Variants in ANKRD26 observed in about 807,000 individuals in gnomAD.
The protein encoded by ANKRD26 is ankyrin repeat domain 26, also known as ankyrin repeat domain-containing protein 26.
Under a neutral mutation model 208.7 loss-of-function variants are expected in ANKRD26, and 141 were observed. The ratio of observed to expected loss-of-function variants is 0.68; its 90% CI spans 0.59 to 0.78. The LOEUF is 0.78. ANKRD26 is among the 30% of genes least tolerant of loss of function. The pLI, the probability that ANKRD26 is intolerant of heterozygous loss-of-function variation, is 0.00. For synonymous variants in ANKRD26, 636 were observed against 660.4 expected (o/e 0.96, Z 0.57); for missense variants, 1,889 against 1,938.7 (o/e 0.97, Z 0.48).
downstream of ANKRD26, among the ~76,000 whole-genome samples, chr10:26,987,917 T>C (rs1289419629): frequency 6.6e-6 from 1 of 152,180 alleles, no homozygotes; most frequent in African/African-American, 2.4e-5. Context: ...GGTCTAGCTG[T>C]TGGCTGTAAT....
chr10:27,021,636 A>G (rs1219289319), intron 29 of ANKRD26, among the ~76,000 whole-genome samples: 2 of 152,082 alleles, frequency 1.3e-5, no homozygotes, highest in Non-Finnish European at 2.9e-5. Context: ...TTGAATTAGA[A>G]TATTCTTTTT....
In ANKRD26 at chr10:27,054,189, G is replaced by A. The variant is rs74128554; in HGVS notation, c.1565-799C>T. Among the ~76,000 whole-genome samples, 472 of 152,184 alleles carry A rather than the reference G, an allele frequency of 3.1e-3. 4 individuals carry two copies. The highest frequency in any genetic ancestry group is 0.011 in the African/African-American group (446 of 41,502). On this transcript the variant is annotated intron_variant, in intron 15 of 33. Transcript: ENST00000376087. Reference sequence around the variant, plus strand: ...TTTATGCCCTTGCTCCCAGACGGTAGGGGACAATCTTTCAAGTTATCTTTG... The same window carrying A: ...TTTATGCCCTTGCTCCCAGACGGTAAGGGACAATCTTTCAAGTTATCTTTG...
At chr10:27,021,600 GTC>G (rs2053491700) in intron 29 of ANKRD26, among the ~76,000 whole-genome samples, 1 of 152,178 alleles carries the variant, frequency 6.6e-6, no homozygotes, top group Admixed American at 6.5e-5. Flanking sequence ...TATGAGAAAT[GTC>G]TGTTTCAGAT....
chr10:26,961,301 T>A, the ANKRD26 span, among the ~76,000 whole-genome samples: 1 of 152,114 alleles, frequency 6.6e-6, no homozygotes, highest in Non-Finnish European at 1.5e-5. Context: ...TTGGTTTATT[T>A]GTCCCAACTA....
intron 30 of ANKRD26, among the ~76,000 whole-genome samples, chr10:27,017,163 T>A (rs186613911): frequency 1.9e-3 from 284 of 152,324 alleles, no homozygotes; most frequent in African/African-American, 6.4e-3. Context: ...ATAAAATTAA[T>A]TAAAAATTTT....
intron 12 of ANKRD26, among the ~76,000 whole-genome samples, chr10:27,062,819 G>A (rs1406241329): frequency 6.6e-6 from 1 of 150,764 alleles, no homozygotes; most frequent in African/African-American, 2.4e-5. Flanking sequence ...CCAGGCTGGA[G>A]TGCAGTGGCA....
intron 29 of ANKRD26, among the ~76,000 whole-genome samples, chr10:27,021,823 G>C (rs913023017): frequency 7.2e-5 from 11 of 152,012 alleles, no homozygotes; most frequent in African/African-American, 2.4e-4. Flanking sequence ...TATCATGTTT[G>C]TTGGGTTGCA....
chr10:27,005,608 C>T lies in ANKRD26; in HGVS notation c.5115G>A (p.Lys1705=), dbSNP rs1283000126. The change falls in exon 34 of 34, where the codon AAG becomes AAA. Residue 1705 remains lysine (K), a synonymous_variant. Transcript: ENST00000376087. ...KASREYVQVL[K]KNYMI ...TTATCTTTCAGATCATATAATTTTT[C>T]TTTAAAACCTGTACATATTCTCTTG... The T allele has an allele frequency of 6.2e-7, 1 of 1,611,564 alleles. No individual in the cohort carries two copies. Among genetic ancestry groups the T allele is most frequent in the Non-Finnish European group, 8.5e-7 (1 of 1,178,488 alleles).
chr10:27,016,337 A>T (rs11592897), intron 30 of ANKRD26, among the ~76,000 whole-genome samples: 74,679 of 151,696 alleles, frequency 0.49, 20,400 homozygotes, highest in Non-Finnish European at 0.62. Context: ...AGCTCTCACC[A>T]TCTTGCCTCA....
intron 31 of ANKRD26, 126 bp downstream of exon 31, chr10:27,014,368 C>A: frequency 5.7e-6 from 4 of 707,304 alleles, no homozygotes; most frequent in Non-Finnish European, 7.0e-6. Context: ...AATTTACTAA[C>A]ATTTTCCAAA....
At chr10:26,983,417 T>C (rs975204905) in intron 3 of ANKRD26, among the ~76,000 whole-genome samples, 1 of 152,184 alleles carries the variant, frequency 6.6e-6, no homozygotes, top group African/African-American at 2.4e-5. Context: ...ACATAGCCAG[T>C]ATGTCCTATT....
At chr10:27,033,421 T>C in intron 24 of ANKRD26, 44 bp from the exon 25 acceptor site, 2 of 1,554,646 alleles carry the variant, frequency 1.3e-6, no homozygotes, top group Non-Finnish European at 1.8e-6. Flanking sequence ...CACCTTATTA[T>C]TAAGTTATGT....
In ANKRD26 at chr10:27,005,121, A is replaced by C. The variant is rs1308190205; in HGVS notation, c.*469T>G. ...ATCAGGCAAATCTTGTTTCTCCCTG[A>C]GAACAGCTATATAAATCAGTGCTTA... On this transcript the variant is annotated 3_prime_UTR_variant, in exon 34 of 34. Transcript: ENST00000376087. The C allele has an allele frequency of 3.0e-6, 3 of 984,844 alleles. No individual in the cohort carries two copies. Among genetic ancestry groups the C allele is most frequent in the East Asian group, 2.3e-4 (2 of 8,822 alleles). 61.0% of individuals were successfully genotyped at this position (984,844 alleles called of 1,614,324 possible).
intron 16 of ANKRD26, chr10:27,051,149 C>A: frequency 7.8e-7 from 1 of 1,290,220 alleles, no homozygotes. Flanking sequence ...GCATATCTTG[C>A]TGTAATTCTT....
rs1335310549 is a variant in ANKRD26, at chr10:27,067,280, G to A, written c.1084C>T (p.Pro362Ser). ...TTTTTTGCAATGCCTGGCTTTGTTG[G>A]TTCTTCCTATTAAAAACAAAAACAA... ...LANPGLMKEE[P>S]TKPGIAKKEN... The change falls in exon 10 of 34, where the codon CCA becomes TCA. Residue 362 changes from proline to serine, a missense_variant. Physicochemically the swap from Pro to Ser is moderately conservative, Grantham distance 74. This residue lies in a region of ANKRD26 where 1,272 missense variants were observed against 1,273.8 expected (regional missense o/e 1.00). Coordinates refer to ENST00000376087, the MANE Select transcript of ANKRD26 (RefSeq NM_014915.3). The A allele has an allele frequency of 6.2e-7, 1 of 1,612,730 alleles. No individual in the cohort carries two copies. Among genetic ancestry groups the A allele is most frequent in the African/African-American group, 1.3e-5 (1 of 74,944 alleles).
intron 33 of ANKRD26, 129 bp from the exon 34 acceptor site, chr10:27,005,852 T>G (rs970926271): frequency 6.2e-6 from 7 of 1,127,778 alleles, no homozygotes; most frequent in Non-Finnish European, 6.0e-6. Context: ...GCACAACTAT[T>G]ATACAATATT....
At chr10:26,963,903 G>GTTTTTTTTTTTTGTTTTTTTTTTTTT in the ANKRD26 span, among the ~76,000 whole-genome samples, 1 of 71,850 alleles carries the variant, frequency 1.4e-5, no homozygotes. Flanking sequence ...TGGTTGGTTG[G>GTTTTTTTTTTTTGTTTTTTTTTTTTT]TTTTTTTTTT....
downstream of ANKRD26, among the ~76,000 whole-genome samples, chr10:26,987,009 A>C (rs1208437847): frequency 6.6e-6 from 1 of 152,248 alleles, no homozygotes; most frequent in Admixed American, 6.5e-5. Flanking sequence ...TATTCACAAT[A>C]GCAAAGACTT....
chr10:26,985,330 G>A (rs918453500), intron 3 of ANKRD26, among the ~76,000 whole-genome samples: 1 of 152,132 alleles, frequency 6.6e-6, no homozygotes, highest in African/African-American at 2.4e-5. Flanking sequence ...ATTTTCTCTG[G>A]ATTCCAATGG....
Sources: allele counts gnomAD v4.1 joint callset (sites outside exome capture counted in the v4.1 genomes callset), GRCh38; gene constraint gnomAD v4.1.1; regional missense constraint gnomAD v4.1.1; transcripts MANE v1.5; gene names NCBI Gene and HGNC (gene_info 2026-07-23, HGNC 2026-07-21).